The following LRP1B variants were observed in gnomAD, a reference collection of about 807,000 sequenced individuals.
LRP1B encodes the protein LDL receptor related protein 1B.
A neutral mutation model predicts 556.6 loss-of-function variants in LRP1B; 217 were observed. The ratio of observed to expected loss-of-function variants is 0.39; its 90% CI spans 0.35 to 0.44. The LOEUF is 0.44. Ranked by LOEUF, LRP1B falls within the 20% of genes least tolerant of loss-of-function variation. The pLI is 1.00. For missense variants in LRP1B, 5,053 were observed against 5,620.8 expected (o/e 0.90, Z 3.23); for synonymous variants, 2,047 against 1,865.8 (o/e 1.10, Z -2.50).
At chr2:140,581,388 T>A (rs1681755618) in intron 43 of LRP1B, among the ~76,000 whole-genome samples, 1 of 152,218 alleles carries the variant, frequency 6.6e-6, no homozygotes, top group African/African-American at 2.4e-5. Flanking sequence ...ATACGCTTTT[T>A]GTCCTTCTCA....
At chr2:141,941,043 T>C (rs1385270385) in intron 1 of LRP1B, among the ~76,000 whole-genome samples, 1 of 152,194 alleles carries the variant, frequency 6.6e-6, no homozygotes, top group African/African-American at 2.4e-5. Context: ...ACATGACTGA[T>C]TTCTGTAAAC....
chr2:141,221,288 T>A (rs1237283479), intron 6 of LRP1B, among the ~76,000 whole-genome samples: 132 of 131,112 alleles, frequency 1.0e-3, no homozygotes, highest in African/African-American at 2.8e-3. Flanking sequence ...CCAACAAAGA[T>A]AAAAAAAAAA....
chr2:140,749,311 T>G (rs1405160970), intron 35 of LRP1B, among the ~76,000 whole-genome samples: 2 of 152,152 alleles, frequency 1.3e-5, no homozygotes, highest in Non-Finnish European at 2.9e-5. Flanking sequence ...TAAAAAATCT[T>G]TCTTTCTTCA....
At chr2:140,718,398 T>G (rs549968500) in intron 35 of LRP1B, among the ~76,000 whole-genome samples, 1 of 152,094 alleles carries the variant, frequency 6.6e-6, no homozygotes, top group Non-Finnish European at 1.5e-5. Flanking sequence ...TTTTTCTTCT[T>G]TCAATACATA....
intron 3 of LRP1B, among the ~76,000 whole-genome samples, chr2:141,424,394 G>A (rs1573930315): frequency 6.6e-6 from 1 of 152,128 alleles, no homozygotes; most frequent in South Asian, 2.1e-4. Context: ...TTACAGGCAT[G>A]AGCCACCGCA....
intron 79 of LRP1B, 133 bp from the exon 80 acceptor site, chr2:140,326,011 T>TCATGA: frequency 1.6e-6 from 1 of 614,284 alleles, no homozygotes; most frequent in Non-Finnish European, 2.9e-6. Flanking sequence ...CTGGTGCCCA[T>TCATGA]CATGAAACTG....
Position 141,639,302 on chromosome 2 carries a change from GTGTATATATATATA to G in LRP1B, c.206-158783_206-158770del, listed in dbSNP as rs1398741895. 7.6e-4 allele frequency among the ~76,000 whole-genome samples: 25 copies of G among 33,024 alleles called. 1 individual carries two copies. The highest frequency in any genetic ancestry group is 6.8e-3 in the East Asian group (8 of 1,172). The allele number at this position is 33,024 out of a possible 152,430, so 21.7% of individuals were successfully genotyped here. On this transcript the variant is annotated intron_variant, in intron 2 of 90. Coordinates refer to ENST00000389484, the MANE Select transcript of LRP1B (RefSeq NM_018557.3). ...CTGGACCCAGGAGTACGCATCATGT[GTGTATATATATATA>G]TATATATATATATATATATATATAT...
intron 7 of LRP1B, among the ~76,000 whole-genome samples, chr2:141,118,909 C>T (rs1372683880): frequency 6.6e-6 from 1 of 151,666 alleles, no homozygotes; most frequent in African/African-American, 2.4e-5. Context: ...TTAAGAAATA[C>T]AGCAATGTCA....
intron 1 of LRP1B, among the ~76,000 whole-genome samples, chr2:142,098,440 A>G (rs1025839551): frequency 2.0e-4 from 31 of 151,778 alleles, no homozygotes; most frequent in Non-Finnish European, 3.8e-4. Context: ...TTAGAAGTAG[A>G]TATTACTGGA....
intron 43 of LRP1B, among the ~76,000 whole-genome samples, chr2:140,571,069 T>C (rs558692223): frequency 9.9e-5 from 15 of 151,994 alleles, no homozygotes; most frequent in Non-Finnish European, 1.8e-4. Context: ...GAAGCAAAGC[T>C]GAAAGCTTTT....
At chr2:141,225,697 A>T (rs1683220705) in intron 6 of LRP1B, among the ~76,000 whole-genome samples, 1 of 152,188 alleles carries the variant, frequency 6.6e-6, no homozygotes, top group Non-Finnish European at 1.5e-5. Flanking sequence ...TTCAGTAAGA[A>T]ATTTAATGTC....
intron 7 of LRP1B, among the ~76,000 whole-genome samples, chr2:141,100,718 G>C (rs1318348982): frequency 6.6e-6 from 1 of 152,132 alleles, no homozygotes; most frequent in Non-Finnish European, 1.5e-5. Context: ...TTTGCTGTTG[G>C]AATAGTGTGG....
intron 7 of LRP1B, among the ~76,000 whole-genome samples, chr2:141,163,100 C>T (rs1428878219): frequency 6.6e-6 from 1 of 152,054 alleles, no homozygotes; most frequent in Non-Finnish European, 1.5e-5. Flanking sequence ...GTACAGTTGC[C>T]TCAGTAATAC....
At position 140,393,383 on chromosome 2, in the gene LRP1B, G is replaced by A. The variant is rs989442178; in HGVS notation, c.10415-7374C>T. ...TTGTTTAGAAAATGAAATACCACTT[G>A]TAAGTCAGCCATGTGTTTTATTCAG... On this transcript the variant is annotated intron_variant, in intron 66 of 90. Transcript: ENST00000389484. Among the ~76,000 whole-genome samples the A allele has an allele frequency of 2.0e-5, 3 of 151,770 alleles. No individual in the cohort carries two copies. The East Asian group carries it at 5.8e-4, about 29-fold the overall frequency.
At chr2:142,030,528 G>T (rs1316554990) in intron 1 of LRP1B, among the ~76,000 whole-genome samples, 1 of 151,786 alleles carries the variant, frequency 6.6e-6, no homozygotes, top group East Asian at 1.9e-4. Flanking sequence ...GATATCTGGG[G>T]GTGAAGGAAT....
In LRP1B at chr2:141,708,997, G is replaced by A. The variant is rs568242732; in HGVS notation, c.205+101282C>T. Among the ~76,000 whole-genome samples the A allele has an allele frequency of 3.9e-5, 6 of 152,204 alleles. No homozygotes were observed. The South Asian group carries it at 1.2e-3, about 32-fold the overall frequency. On this transcript the variant is annotated intron_variant, in intron 2 of 90. Transcript: ENST00000389484. ...CAGTCTGTGGCATATCATTATGGCA[G>A]CCTTAGCAAATTAATACATTATCCT...
chr2:140,349,989 G>T (rs142574622), intron 77 of LRP1B, among the ~76,000 whole-genome samples: 50 of 152,178 alleles, frequency 3.3e-4, no homozygotes, highest in African/African-American at 1.0e-3. Context: ...AGAAAAAGTA[G>T]TGAGAACTTC....
In LRP1B at chr2:141,594,341, G is replaced by A. The variant is rs372560539; in HGVS notation, c.206-113808C>T. ...GACCACAACACTGGGAAGGCAGATG[G>A]TGAAAGAGATAAGAATAGGTCCTAA... On this transcript the variant is annotated intron_variant, in intron 2 of 90. Coordinates refer to ENST00000389484, the MANE Select transcript of LRP1B (RefSeq NM_018557.3). Among the ~76,000 whole-genome samples the A allele has an allele frequency of 4.9e-4, 74 of 152,248 alleles. No individual in the cohort carries two copies. The East Asian group carries it at 8.7e-3, about 18-fold the overall frequency.
intron 35 of LRP1B, among the ~76,000 whole-genome samples, chr2:140,733,993 T>C (rs1317511449): frequency 6.6e-6 from 1 of 152,198 alleles, no homozygotes; most frequent in African/African-American, 2.4e-5. Flanking sequence ...GGAATACTCC[T>C]GCTTAACCTC....
Sources: allele counts gnomAD v4.1 joint callset (sites outside exome capture counted in the v4.1 genomes callset), GRCh38; gene constraint gnomAD v4.1.1; transcripts MANE v1.5; gene names NCBI Gene and HGNC (gene_info 2026-07-23, HGNC 2026-07-21).